The following PDE1C variants were observed in gnomAD, a reference collection of about 807,000 sequenced individuals.
PDE1C encodes the protein dual specificity calcium/calmodulin-dependent 3',5'-cyclic nucleotide phosphodiesterase 1C.
Under a neutral mutation model 93.1 loss-of-function variants are expected in PDE1C, and 62 were observed. That is an observed-to-expected ratio of 0.67 (90% CI 0.54 to 0.82). The LOEUF (loss-of-function observed/expected upper bound fraction) is 0.82, where lower values mean the gene tolerates loss of function less well. Among genes scored for constraint, PDE1C ranks in the 40% least tolerant of loss-of-function variants. PDE1C has a pLI of 0.00. For synonymous variants in PDE1C, 325 were observed against 310.1 expected, an observed-to-expected ratio of 1.05 and a Z score of -0.50; for missense variants, 742 against 884.6, an observed-to-expected ratio of 0.84 and a Z score of 2.04.
chr7:32,304,878 A>T (rs907204600), intron 1 of PDE1C, among the ~76,000 whole-genome samples: 3 of 152,206 alleles, frequency 2.0e-5, no homozygotes, highest in Admixed American at 6.5e-5. Context: ...TGACAATGTT[A>T]TTATTTTTAA....
chr7:32,323,349 T>G (rs1177742493), intron 1 of PDE1C, among the ~76,000 whole-genome samples: 2 of 151,882 alleles, frequency 1.3e-5, no homozygotes, highest in Non-Finnish European at 2.9e-5. Flanking sequence ...CAACTCAGAG[T>G]TGAGAAGAGA....
intron 1 of PDE1C, among the ~76,000 whole-genome samples, chr7:32,337,043 A>ACT (rs145888147): frequency 5.4e-4 from 80 of 148,220 alleles, no homozygotes; most frequent in East Asian, 1.8e-3. Flanking sequence ...ATGTTTCTTA[A>ACT]CTCTCTCTCT....
intron 2 of PDE1C, among the ~76,000 whole-genome samples, chr7:31,888,249 CAAAAAAAA>C (rs34112969): frequency 4.5e-5 from 2 of 44,224 alleles, no homozygotes; most frequent in African/African-American, 8.2e-5. Flanking sequence ...GACTCAGTCT[CAAAAAAAA>C]AAAAAAAAAA....
chr7:32,389,609 G>A (rs1426024000), intron 1 of PDE1C, among the ~76,000 whole-genome samples: 1 of 152,174 alleles, frequency 6.6e-6, no homozygotes. Flanking sequence ...CAATCCAGGT[G>A]GGTTGCATAC....
chr7:31,733,767 G>C, the PDE1C span, among the ~76,000 whole-genome samples: 1 of 152,118 alleles, frequency 6.6e-6, no homozygotes, highest in Admixed American at 6.5e-5. Flanking sequence ...GGCTGAGGAG[G>C]GTGGGTCAAC....
intron 2 of PDE1C, among the ~76,000 whole-genome samples, chr7:31,969,991 G>T (rs144652583): frequency 0.016 from 2,510 of 152,162 alleles, 70 homozygotes; most frequent in African/African-American, 0.057. Flanking sequence ...GGGGACTGTT[G>T]TGGGGTTGGG....
chr7:32,294,624 G>A (rs1812526161), intron 1 of PDE1C, among the ~76,000 whole-genome samples: 1 of 152,190 alleles, frequency 6.6e-6, no homozygotes, highest in Admixed American at 6.5e-5. Context: ...TGAGGGGGAG[G>A]TGTTTGTTTG....
intron 1 of PDE1C, among the ~76,000 whole-genome samples, chr7:32,061,687 G>A (rs1205448589): frequency 6.6e-6 from 1 of 152,198 alleles, no homozygotes; most frequent in Non-Finnish European, 1.5e-5. Context: ...GGAATACTGG[G>A]AATGACCATA....
chr7:32,198,843 C>T (rs1361512229), intron 2 of PDE1C, among the ~76,000 whole-genome samples: 3 of 152,168 alleles, frequency 2.0e-5, no homozygotes, highest in South Asian at 2.1e-4. Flanking sequence ...CTCAGCCGGG[C>T]GCAGTGGTTC....
chr7:32,298,064 C>CT (rs1491127729), intron 1 of PDE1C, among the ~76,000 whole-genome samples: 5,196 of 29,714 alleles, frequency 0.17, 2,148 homozygotes, highest in Admixed American at 0.22. Context: ...CTCTCTCTCT[C>CT]CCCTCTCTCT....
chr7:32,311,933 G>T (rs1055929600), intron 1 of PDE1C, among the ~76,000 whole-genome samples: 6 of 151,672 alleles, frequency 4.0e-5, no homozygotes, highest in Non-Finnish European at 5.9e-5. Context: ...GGAAATAAAG[G>T]GTATTCAATT....
At chr7:31,765,559 TG>T (rs1032886626) in intron 17 of PDE1C, among the ~76,000 whole-genome samples, 13 of 152,146 alleles carry the variant, frequency 8.5e-5, no homozygotes, top group African/African-American at 3.1e-4. Flanking sequence ...ACACTAACAG[TG>T]GCCAATTTCA....
At chr7:31,828,628 G>A (rs1456971409) in intron 11 of PDE1C, among the ~76,000 whole-genome samples, 2 of 152,152 alleles carry the variant, frequency 1.3e-5, no homozygotes, top group Non-Finnish European at 1.5e-5. Flanking sequence ...GGCAGTACTA[G>A]GACCTCCATG....
At chr7:31,898,716 A>G (rs1353071941) in intron 2 of PDE1C, among the ~76,000 whole-genome samples, 1 of 152,238 alleles carries the variant, frequency 6.6e-6, no homozygotes, top group Non-Finnish European at 1.5e-5. Context: ...AAGCATCTAA[A>G]CACTTATAGC....
chr7:31,863,544 T>A (rs1794922449), intron 7 of PDE1C, among the ~76,000 whole-genome samples: 1 of 152,216 alleles, frequency 6.6e-6, no homozygotes, highest in South Asian at 2.1e-4. Context: ...AATCTTTTAT[T>A]GAGTTAAAAA....
the PDE1C span, chr7:31,695,904 G>A: frequency 0.011 from 2,492 of 236,998 alleles, 77 homozygotes; most frequent in African/African-American, 0.052. Flanking sequence ...TCAGGGACCC[G>A]GTCTCATGTG....
chr7:31,830,289 C>T (rs10237493), intron 11 of PDE1C, among the ~76,000 whole-genome samples: 151,429 of 152,270 alleles, frequency 0.99, 75,305 homozygotes, highest in East Asian at 1. Context: ...TATGACTCTA[C>T]AGCTATAGCT....
chr7:31,695,757 T>A, the PDE1C span: 4 of 781,598 alleles, frequency 5.1e-6, no homozygotes, highest in Middle Eastern at 2.7e-4. Context: ...TATCTCTGTA[T>A]TAGTTACAAT....
intron 2 of PDE1C, among the ~76,000 whole-genome samples, chr7:31,905,488 T>C (rs141636237): frequency 3.3e-4 from 50 of 152,312 alleles, no homozygotes; most frequent in African/African-American, 1.1e-3. Context: ...AAATCCCTTC[T>C]ACACTTTAGA....
Sources: allele counts gnomAD v4.1 joint callset (sites outside exome capture counted in the v4.1 genomes callset), GRCh38; gene constraint gnomAD v4.1.1; transcripts MANE v1.5; gene names NCBI Gene and HGNC (gene_info 2026-07-23, HGNC 2026-07-21).